The following TENM4 variants were observed in gnomAD, a reference collection of about 807,000 sequenced individuals.
TENM4 encodes teneurin transmembrane protein 4.
Under a neutral mutation model 243.3 loss-of-function variants are expected in TENM4, and 82 were observed. The ratio of observed to expected loss-of-function variants is 0.34; its 90% CI spans 0.28 to 0.40. The LOEUF (loss-of-function observed/expected upper bound fraction) is 0.40. TENM4 is among the 10% of genes least tolerant of loss of function. The pLI is 1.00. For missense variants in TENM4, 3,138 were observed against 3,673.3 expected (o/e 0.85, Z 3.77); for synonymous variants, 1,412 against 1,456.3 (o/e 0.97, Z 0.69).
At chr11:79,169,785 G>A (rs1423651256) in intron 3 of TENM4, among the ~76,000 whole-genome samples, 1 of 152,222 alleles carries the variant, frequency 6.6e-6, no homozygotes, top group Non-Finnish European at 1.5e-5. Flanking sequence ...AAGCCAAACA[G>A]GTTTTGAGCA....
intron 27 of TENM4, among the ~76,000 whole-genome samples, chr11:78,706,829 A>G (rs751336490): frequency 4.0e-5 from 6 of 151,882 alleles, no homozygotes; most frequent in Non-Finnish European, 8.8e-5. Context: ...TCCTTAGGCC[A>G]TGGCTTCCTG....
intron 23 of TENM4, among the ~76,000 whole-genome samples, chr11:78,725,724 A>G (rs924650754): frequency 1.3e-5 from 2 of 152,190 alleles, no homozygotes; most frequent in African/African-American, 2.4e-5. Flanking sequence ...GTTCTTGCCA[A>G]AGAGACACAT....
At chr11:79,234,867 CG>C (rs1295364670) in intron 2 of TENM4, among the ~76,000 whole-genome samples, 1 of 152,074 alleles carries the variant, frequency 6.6e-6, no homozygotes. Context: ...TCCCTGGATG[CG>C]GGGCACCTGG....
At chr11:79,264,190 G>A (rs1248891323) in intron 2 of TENM4, among the ~76,000 whole-genome samples, 2 of 152,086 alleles carry the variant, frequency 1.3e-5, no homozygotes, top group Non-Finnish European at 2.9e-5. Flanking sequence ...GAGATACCAC[G>A]GGAGCAGTGA....
chr11:78,757,821 G>A (rs1590999194), intron 18 of TENM4, among the ~76,000 whole-genome samples: 1 of 152,186 alleles, frequency 6.6e-6, no homozygotes, highest in South Asian at 2.1e-4. Flanking sequence ...AGAGGAGGCT[G>A]CAGGGATATT....
At chr11:78,812,928 T>C (rs1326837412) in intron 13 of TENM4, among the ~76,000 whole-genome samples, 3 of 152,218 alleles carry the variant, frequency 2.0e-5, no homozygotes, top group Non-Finnish European at 4.4e-5. Context: ...AAGGATACTA[T>C]ATAAAAATAA....
intron 19 of TENM4, among the ~76,000 whole-genome samples, chr11:78,744,326 A>C (rs1383396028): frequency 6.6e-6 from 1 of 152,222 alleles, no homozygotes; most frequent in African/African-American, 2.4e-5. Flanking sequence ...TTCCAGCCCA[A>C]CATCTTCTGC....
At chr11:79,134,450 C>G (rs906813725) in intron 4 of TENM4, among the ~76,000 whole-genome samples, 4 of 152,066 alleles carry the variant, frequency 2.6e-5, no homozygotes, top group East Asian at 1.9e-4. Flanking sequence ...CAACCCAATT[C>G]CCATCAAAAT....
chr11:79,228,223 C>A (rs1404704294), intron 2 of TENM4, among the ~76,000 whole-genome samples: 1 of 152,206 alleles, frequency 6.6e-6, no homozygotes, highest in Non-Finnish European at 1.5e-5. Flanking sequence ...GGTGGGCCAG[C>A]TTCCCAGCAG....
At chr11:79,010,116 C>T (rs960024089) in intron 6 of TENM4, among the ~76,000 whole-genome samples, 4 of 152,094 alleles carry the variant, frequency 2.6e-5, no homozygotes, top group African/African-American at 9.7e-5. Flanking sequence ...AAACCTCTTT[C>T]CTTTATAAAT....
chr11:79,299,026 C>T (rs1856506821), intron 1 of TENM4, among the ~76,000 whole-genome samples: 1 of 151,996 alleles, frequency 6.6e-6, no homozygotes. Flanking sequence ...ACCATTCGGA[C>T]AATATCTAGG....
chr11:79,011,910 T>C (rs1039503367), intron 6 of TENM4, among the ~76,000 whole-genome samples: 4 of 152,238 alleles, frequency 2.6e-5, no homozygotes, highest in African/African-American at 9.6e-5. Context: ...ATACAGTTCC[T>C]TCTCAGTTCC....
chr11:79,099,710 A>G (rs1002345035), intron 4 of TENM4, among the ~76,000 whole-genome samples: 1 of 152,204 alleles, frequency 6.6e-6, no homozygotes, highest in African/African-American at 2.4e-5. Context: ...AGATCCCCAG[A>G]GACCTTTTTG....
intron 6 of TENM4, among the ~76,000 whole-genome samples, chr11:78,999,820 G>A: frequency 6.6e-6 from 1 of 150,704 alleles, no homozygotes; most frequent in East Asian, 1.9e-4. Context: ...AGAAACCAGA[G>A]AAAGAGAAGA....
At chr11:79,433,984 C>T (rs1683138975) in intron 1 of TENM4, among the ~76,000 whole-genome samples, 1 of 152,184 alleles carries the variant, frequency 6.6e-6, no homozygotes, top group Admixed American at 6.5e-5. Flanking sequence ...CTCATGTCTC[C>T]TGCTGAGCAT....
chr11:78,668,863 A>G, intron 32 of TENM4, 74 bp downstream of exon 32: 1 of 1,506,102 alleles, frequency 6.6e-7, no homozygotes, highest in Non-Finnish European at 8.9e-7. Flanking sequence ...CAGCTTTCTC[A>G]AAGAAGACTA....
intron 1 of TENM4, among the ~76,000 whole-genome samples, chr11:79,322,283 C>G (rs144578107): frequency 1.3e-5 from 2 of 152,350 alleles, no homozygotes; most frequent in Non-Finnish European, 2.9e-5. Context: ...CTAATCCACA[C>G]AGCTGCACAA....
chr11:78,676,180 T>A lies in TENM4; in HGVS notation c.5468A>T (p.Gln1823Leu), dbSNP rs1197403577. Residue 1823 changes from glutamine to leucine, a missense_variant, in exon 30 of 34, where the codon CAG (glutamine) becomes CTG (leucine). Coordinates refer to ENST00000278550, the MANE Select transcript of TENM4 (RefSeq NM_001098816.3). ...WRQRKEQARG[Q>L]VTVFGRRLRV... ...CAGCCGGCGCCCAAAGACAGTGACC[T>A]GGCCCCGAGCCTGCTCTTTGCGCTG... The A allele has an allele frequency of 6.5e-7, 1 of 1,539,528 alleles. No individual in the cohort carries two copies. The highest frequency in any genetic ancestry group is 2.4e-5 in the East Asian group (1 of 41,110).
intron 1 of TENM4, among the ~76,000 whole-genome samples, chr11:79,409,060 T>TTGTGTGTGTG (rs559211499): frequency 8.5e-5 from 12 of 141,938 alleles, no homozygotes; most frequent in African/African-American, 1.6e-4. Context: ...GAGGGATATT[T>TTGTGTGTGTG]TGTGTGTGTG....
Sources: allele counts gnomAD v4.1 joint callset (sites outside exome capture counted in the v4.1 genomes callset), GRCh38; gene constraint gnomAD v4.1.1; transcripts MANE v1.5; gene names NCBI Gene and HGNC (gene_info 2026-07-23, HGNC 2026-07-21).